Variants in THSD7B observed in about 807,000 individuals in gnomAD.
The protein encoded by THSD7B is thrombospondin type-1 domain-containing protein 7B.
THSD7B carries 138 observed loss-of-function variants against 213.6 expected under a neutral mutation model. The ratio of observed to expected loss-of-function variants is 0.65; its 90% CI spans 0.56 to 0.74. The LOEUF (loss-of-function observed/expected upper bound fraction) is 0.74. Among genes scored for constraint, THSD7B ranks in the 30% least tolerant of loss-of-function variants. THSD7B has a pLI of 0.00. For synonymous variants in THSD7B, 742 were observed against 687.0 expected (o/e 1.08, Z -1.25); for missense variants, 1,931 against 1,991.5 (o/e 0.97, Z 0.58).
chr2:137,613,786 A>G (rs115312491), intron 17 of THSD7B, among the ~76,000 whole-genome samples: 2,979 of 152,208 alleles, frequency 0.02, 44 homozygotes, highest in Middle Eastern at 0.071. Flanking sequence ...AGATGTAAAC[A>G]TCCTTTCTCT....
chr2:137,384,603 C>T (rs1238928866), intron 12 of THSD7B, among the ~76,000 whole-genome samples: 2 of 152,150 alleles, frequency 1.3e-5, no homozygotes, highest in African/African-American at 4.8e-5. Context: ...AGGGTCTGTT[C>T]AATCTCCTGT....
chr2:136,998,044 C>T (rs868416983), intron 2 of THSD7B, among the ~76,000 whole-genome samples: 1 of 151,944 alleles, frequency 6.6e-6, no homozygotes, highest in Non-Finnish European at 1.5e-5. Context: ...GCAAGGAGCT[C>T]GGGACAGGAT....
chr2:137,332,556 G>A (rs1234128518), intron 12 of THSD7B, among the ~76,000 whole-genome samples: 3 of 152,172 alleles, frequency 2.0e-5, no homozygotes. Context: ...GGGACTGTTG[G>A]AAAGGTATGA....
At chr2:136,890,429 T>C (rs1283018475) in intron 2 of THSD7B, among the ~76,000 whole-genome samples, 11 of 3,752 alleles carry the variant, frequency 2.9e-3, no homozygotes, top group East Asian at 0.25. Context: ...TTCTTCTTCT[T>C]CTTCTTCTTC....
At chr2:137,550,668 A>G (rs1311611394) in intron 15 of THSD7B, among the ~76,000 whole-genome samples, 1 of 152,098 alleles carries the variant, frequency 6.6e-6, no homozygotes, top group Non-Finnish European at 1.5e-5. Flanking sequence ...GATGAAGTAC[A>G]TGCATGGCTT....
At chr2:137,214,831 C>A (rs189751653) in intron 7 of THSD7B, among the ~76,000 whole-genome samples, 2 of 152,134 alleles carry the variant, frequency 1.3e-5, no homozygotes, top group African/African-American at 4.8e-5. Flanking sequence ...TCCAGTCTAT[C>A]GCTGATGGGC....
chr2:137,280,055 G>T (rs189995368), intron 12 of THSD7B, among the ~76,000 whole-genome samples: 26 of 152,194 alleles, frequency 1.7e-4, no homozygotes, highest in African/African-American at 6.0e-4. Flanking sequence ...AAGTTGTCTT[G>T]CCAAAACCTT....
chr2:136,964,728 C>T (rs1467306514), intron 2 of THSD7B, among the ~76,000 whole-genome samples: 1 of 152,068 alleles, frequency 6.6e-6, no homozygotes, highest in Non-Finnish European at 1.5e-5. Flanking sequence ...CTTAGCTGGG[C>T]GTGGTGGCTC....
intron 17 of THSD7B, among the ~76,000 whole-genome samples, chr2:137,598,164 A>G (rs1375357): frequency 0.29 from 43,629 of 151,940 alleles, 6,728 homozygotes; most frequent in South Asian, 0.41. Flanking sequence ...ACAAATTCCA[A>G]GACATTATTT....
intron 15 of THSD7B, among the ~76,000 whole-genome samples, chr2:137,455,228 C>T (rs141593710): frequency 2.8e-4 from 43 of 152,260 alleles, no homozygotes; most frequent in African/African-American, 1.0e-3. Flanking sequence ...GTAGCCTTCT[C>T]TCTGGATGAG....
chr2:137,314,254 A>T (rs1303033010), intron 12 of THSD7B, among the ~76,000 whole-genome samples: 2 of 151,810 alleles, frequency 1.3e-5, no homozygotes, highest in African/African-American at 4.8e-5. Context: ...CATTTCATTC[A>T]TTTCATCTTC....
At chr2:136,915,260 C>A (rs1684330904) in intron 2 of THSD7B, among the ~76,000 whole-genome samples, 1 of 152,058 alleles carries the variant, frequency 6.6e-6, no homozygotes, top group African/African-American at 2.4e-5. Flanking sequence ...CTTTCCAAAG[C>A]AAAGTGAAAC....
In THSD7B at chr2:137,277,922, C is replaced by T. The variant is rs935047653; in HGVS notation, c.2500+1896C>T. 2.6e-5 allele frequency among the ~76,000 whole-genome samples: 4 copies of T among 152,196 alleles called. No individual in the cohort carries two copies. In the East Asian group the frequency reaches 5.8e-4, roughly 22 times the overall value. On this transcript the variant is annotated intron_variant, in intron 12 of 27. Coordinates refer to ENST00000409968, the MANE Select transcript of THSD7B (RefSeq NM_001316349.2). ...CTCCTTGTTCAAGTTCTTCACCTTT[C>T]ACTCTACAGAGTCAGATTTCTACCA...
intron 15 of THSD7B, among the ~76,000 whole-genome samples, chr2:137,514,486 C>A (rs571730930): frequency 6.6e-6 from 1 of 152,104 alleles, no homozygotes. Context: ...TGGCCTATTG[C>A]GGGACCTTGT....
chr2:136,877,925 G>T (rs1628523), intron 1 of THSD7B, among the ~76,000 whole-genome samples: 150,423 of 151,546 alleles, frequency 0.99, 74,663 homozygotes, highest in East Asian at 1. Context: ...TTCTTTTCTT[G>T]TTTTTTTAAT....
At chr2:137,380,671 A>C (rs77675241) in intron 12 of THSD7B, among the ~76,000 whole-genome samples, 4,987 of 152,300 alleles carry the variant, frequency 0.033, 301 homozygotes, top group African/African-American at 0.11. Context: ...CTAGAGCCTC[A>C]AGAAGGAACC....
chr2:137,220,754 C>T (rs936455498), intron 7 of THSD7B, among the ~76,000 whole-genome samples: 2 of 151,236 alleles, frequency 1.3e-5, no homozygotes, highest in African/African-American at 4.9e-5. Flanking sequence ...GCACAATCGC[C>T]AAAACCTGGA....
At chr2:137,582,239 CA>C (rs1478485033) in intron 17 of THSD7B, among the ~76,000 whole-genome samples, 1 of 152,166 alleles carries the variant, frequency 6.6e-6, no homozygotes, top group African/African-American at 2.4e-5. Flanking sequence ...TTCCCATCAA[CA>C]TATTTGGCAT....
intron 17 of THSD7B, among the ~76,000 whole-genome samples, chr2:137,594,872 T>G (rs1313766289): frequency 2.0e-5 from 3 of 151,990 alleles, no homozygotes; most frequent in Admixed American, 6.6e-5. Flanking sequence ...TGTTAAGATC[T>G]TTCTTAATTT....
Sources: allele counts gnomAD v4.1 joint callset (sites outside exome capture counted in the v4.1 genomes callset), GRCh38; gene constraint gnomAD v4.1.1; transcripts MANE v1.5; gene names NCBI Gene and HGNC (gene_info 2026-07-23, HGNC 2026-07-21).